Variants in MLH3 observed in about 807,000 individuals in gnomAD.
The protein encoded by MLH3 is mutL homolog 3.
A neutral mutation model predicts 122.2 loss-of-function variants in MLH3; 82 were observed. The observed-to-expected ratio is 0.67, with a 90% CI of 0.56 to 0.81. The LOEUF (loss-of-function observed/expected upper bound fraction) is 0.81. MLH3 is among the 30% of genes least tolerant of loss of function. MLH3 has a pLI of 0.00. For synonymous variants in MLH3, 524 were observed against 599.5 expected (o/e 0.87, Z 1.84); for missense variants, 1,539 against 1,714.5 (o/e 0.90, Z 1.81).
rs376532114 is a variant in MLH3 at position 75,042,485 on chromosome 14, T to C, written c.3281-8A>G. 3.6e-5 allele frequency: 57 copies of C among 1,604,572 alleles called. No homozygotes were observed. The highest frequency in any genetic ancestry group is 4.4e-5 in the Non-Finnish European group (52 of 1,171,466). On this transcript the variant is annotated splice_region_variant and splice_polypyrimidine_tract_variant and intron_variant, in intron 2 of 12. Coordinates refer to ENST00000355774, the MANE Select transcript of MLH3 (RefSeq NM_001040108.2). ...GACACCTGTACTGAGACCCTAAATA[T>C]AAGAAAGAAAAACCTAGAAATGTGA...
Position 75,015,977 on chromosome 14 carries a change from A to ACCCCAGT in MLH3, c.*1098_*1104dup, listed in dbSNP as rs1595016772. ...TGCATCATCTTACTAATTGTATAGC[A>ACCCCAGT]CCCCAGTTGCAATAAACATTACCAG... On this transcript the variant is annotated 3_prime_UTR_variant, in exon 13 of 13. Transcript: ENST00000355774. The ACCCCAGT allele has an allele frequency of 1.3e-5, 3 of 231,846 alleles. No homozygotes were observed. Among genetic ancestry groups the ACCCCAGT allele is most frequent in the African/African-American group, 6.6e-5 (3 of 45,360 alleles). The allele number at this position is 231,846 out of a possible 1,614,324, so 14.4% of individuals were successfully genotyped here.
chr14:75,029,692 C>T (rs1322390756), intron 9 of MLH3, among the ~76,000 whole-genome samples: 2 of 152,002 alleles, frequency 1.3e-5, no homozygotes, highest in African/African-American at 2.4e-5. Flanking sequence ...TGCACCACCA[C>T]GCCCGGCTAA....
At chr14:75,033,721 G>A (rs538033086) in intron 6 of MLH3, among the ~76,000 whole-genome samples, 45 of 152,200 alleles carry the variant, frequency 3.0e-4, no homozygotes, top group African/African-American at 1.1e-3. Flanking sequence ...AGGCACAAAA[G>A]GGAATTTAAT....
chr14:75,019,334 C>T (rs1214018382), intron 11 of MLH3, among the ~76,000 whole-genome samples: 2 of 149,392 alleles, frequency 1.3e-5, no homozygotes, highest in Non-Finnish European at 3.0e-5. Flanking sequence ...CACTTGAACC[C>T]AGGAGGCGGG....
intron 6 of MLH3, among the ~76,000 whole-genome samples, chr14:75,037,895 C>T (rs1253593627): frequency 6.6e-6 from 1 of 152,160 alleles, no homozygotes; most frequent in African/African-American, 2.4e-5. Context: ...TAATGTGCAT[C>T]CTGAGTATAT....
intron 9 of MLH3, among the ~76,000 whole-genome samples, chr14:75,029,873 G>A (rs1428936019): frequency 1.3e-5 from 2 of 152,052 alleles, no homozygotes; most frequent in Non-Finnish European, 1.5e-5. Flanking sequence ...CTGGCTGTGT[G>A]CAGTGGCTCA....
chr14:75,049,611 A>C lies in MLH3; in HGVS notation c.45T>G (p.Ser15=), dbSNP rs1206903146. 32 of 1,614,228 alleles carry C rather than the reference A, an allele frequency of 2.0e-5. No homozygotes were observed. Among genetic ancestry groups the C allele is most frequent in the Non-Finnish European group, 2.1e-5 (25 of 1,180,032 alleles). ...LSVEVQAKLR[S]GLAISSLGQC... ...GGCCCAAGGAGCTTATGGCCAAACC[A>C]GAACGCAATTTGGCTTGTACTTCAA... Residue 15 remains serine, a synonymous_variant, in exon 2 of 13, where the codon TCT becomes TCG. Coordinates refer to ENST00000355774, the MANE Select transcript of MLH3 (RefSeq NM_001040108.2).
intron 1 of MLH3, among the ~76,000 whole-genome samples, chr14:75,050,160 A>G (rs1892566634): frequency 6.6e-6 from 1 of 152,242 alleles, no homozygotes; most frequent in African/African-American, 2.4e-5. Flanking sequence ...AATACTTATA[A>G]TGAATTGCTA....
rs577682142 is a variant in MLH3, at chr14:75,015,737, T to C, written c.*1345A>G. The C allele has an allele frequency of 7.7e-5, 15 of 194,650 alleles. 1 individual carries two copies. The South Asian group carries it at 3.5e-3, about 46-fold the overall frequency. 12.1% of individuals were successfully genotyped at this position (194,650 alleles called of 1,614,324 possible). ...CTACAAGGATCCCCTTGAAAACAAGTGAAGGTTTTCTCTGAACCTTCTCTG... is the reference window on the plus strand; with the variant it reads ...CTACAAGGATCCCCTTGAAAACAAGCGAAGGTTTTCTCTGAACCTTCTCTG... On this transcript the variant is annotated 3_prime_UTR_variant, in exon 13 of 13. Coordinates refer to ENST00000355774, the MANE Select transcript of MLH3 (RefSeq NM_001040108.2).
intron 6 of MLH3, among the ~76,000 whole-genome samples, chr14:75,037,134 C>CT (rs1891473065): frequency 6.6e-6 from 1 of 152,202 alleles, no homozygotes; most frequent in Non-Finnish European, 1.5e-5. Context: ...GATCTGACTC[C>CT]TACCTACTTC....
At chr14:75,043,840 A>G (rs1405031245) in intron 2 of MLH3, among the ~76,000 whole-genome samples, 1 of 152,224 alleles carries the variant, frequency 6.6e-6, no homozygotes, top group Admixed American at 6.5e-5. Flanking sequence ...CTGTAATCCC[A>G]GCACTTTGGG....
chr14:75,046,853 T>C lies in MLH3; in HGVS notation c.2803A>G (p.Ile935Val). Residue 935 changes from isoleucine to valine, a missense_variant, in exon 2 of 13, where the codon ATC (isoleucine) becomes GTC (valine). Ile to Val is a conservative substitution (Grantham distance 29). Coordinates refer to ENST00000355774, the MANE Select transcript of MLH3 (RefSeq NM_001040108.2). ...NKHEKTENGV[I>V]PTSDSATQDN... ...TGTGTGGCAGAATCTGATGTTGGGA[T>C]GACACCATTCTCTGTTTTTTCATGC... The C allele has an allele frequency of 1.2e-6, 2 of 1,614,130 alleles. No individual in the cohort carries two copies. The highest frequency in any genetic ancestry group is 1.1e-5 in the South Asian group (1 of 91,090).
In MLH3 at chr14:75,039,966, AT is replaced by A. The variant is rs1566594818; in HGVS notation, c.3514del (p.Ile1172PhefsTer14). On this transcript the variant is annotated frameshift_variant, in exon 5 of 13. Coordinates refer to ENST00000355774, the MANE Select transcript of MLH3 (RefSeq NM_001040108.2). LOFTEE classifies it high-confidence loss of function. ...SGQAESLAVK[I>X]HNILYPYRFT... ...ACGATAGGGATACAAGATGTTGTGA[AT>A]TTTAACTGCTAAGCTCTCAGCCTGG... 6.2e-7 allele frequency: 1 copy of A among 1,601,396 alleles called. No individual in the cohort carries two copies. The highest frequency in any genetic ancestry group is 2.3e-5 in the East Asian group (1 of 43,908).
At chr14:75,018,341 T>C (rs541467314) in intron 12 of MLH3, among the ~76,000 whole-genome samples, 6 of 152,130 alleles carry the variant, frequency 3.9e-5, no homozygotes, top group Non-Finnish European at 5.9e-5. Flanking sequence ...AATGTAGAGA[T>C]CCCCAAGCTT....
At position 75,015,702 on chromosome 14, in the gene MLH3, T is replaced by C. The variant is rs1452252855; in HGVS notation, c.*1380A>G. ...TAGGGCCTGTTCTTCAGGATTCCAA[T>C]TACGTAAATCTACAAGGATCCCCTT... On this transcript the variant is annotated 3_prime_UTR_variant, in exon 13 of 13. Transcript: ENST00000355774. The C allele has an allele frequency of 1.4e-5, 3 of 216,820 alleles. No homozygotes were observed. The highest frequency in any genetic ancestry group is 2.8e-5 in the Non-Finnish European group (3 of 108,058). 13.4% of individuals were successfully genotyped at this position (216,820 alleles called of 1,614,324 possible). A position where few individuals can be genotyped will look rare whatever the true frequency, so the allele number is the denominator to read the frequency against.
At chr14:75,032,356 C>T (rs561360895) in intron 7 of MLH3, among the ~76,000 whole-genome samples, 177 bp from the exon 8 acceptor site, 1 of 152,284 alleles carries the variant, frequency 6.6e-6, no homozygotes, top group East Asian at 1.9e-4. Context: ...AGCCTATTAA[C>T]AATTTTGGTA....
intron 5 of MLH3, among the ~76,000 whole-genome samples, chr14:75,039,705 T>C (rs1408182264): frequency 6.6e-6 from 1 of 151,792 alleles, no homozygotes; most frequent in Non-Finnish European, 1.5e-5. Context: ...TTTCTTTCTT[T>C]GTAATTATAA....
chr14:75,047,314 T>A lies in MLH3; in HGVS notation c.2342A>T (p.Asn781Ile). ...EVEESNGVTT[N>I]LSLQVEPDIL... ...GTCAGGTTCAACTTGAAGACTGAGA[T>A]TGGTAGTGACTCCATTACTTTCCTC... Residue 781 changes from asparagine to isoleucine, a missense_variant, in exon 2 of 13, where the codon AAT becomes ATT. Asn to Ile is a moderately radical substitution (Grantham distance 149). Coordinates refer to ENST00000355774, the MANE Select transcript of MLH3 (RefSeq NM_001040108.2). 6.2e-7 allele frequency: 1 copy of A among 1,614,136 alleles called. No homozygotes were observed. The highest frequency in any genetic ancestry group is 8.5e-7 in the Non-Finnish European group (1 of 1,179,990).
At position 75,018,957 on chromosome 14, in the gene MLH3, G is replaced by A; in HGVS notation, c.4114C>T (p.Leu1372=). 2 of 1,614,150 alleles carry A rather than the reference G, an allele frequency of 1.2e-6. No individual in the cohort carries two copies. Among genetic ancestry groups the A allele is most frequent in the Non-Finnish European group, 1.7e-6 (2 of 1,180,024 alleles). ...CHGAIKFNDG[L]SLQESCRLIE... ...AGGCGGCAACTTTCCTGTAAGCTCAGGCCATCATTAAACTTAATGGCCCCT... is the reference window on the plus strand; with the variant it reads ...AGGCGGCAACTTTCCTGTAAGCTCAAGCCATCATTAAACTTAATGGCCCCT... The change falls in exon 12 of 13, where the codon CTG becomes TTG. Residue 1372 remains leucine, a synonymous_variant. Transcript: ENST00000355774.
Sources: allele counts gnomAD v4.1 joint callset (sites outside exome capture counted in the v4.1 genomes callset), GRCh38; gene constraint gnomAD v4.1.1; transcripts MANE v1.5; gene names NCBI Gene and HGNC (gene_info 2026-07-23, HGNC 2026-07-21).